Variants in IGF1R observed in about 807,000 individuals in gnomAD.
IGF1R encodes the protein insulin-like growth factor 1 receptor.
IGF1R carries 44 observed loss-of-function variants against 144.6 expected under a neutral mutation model. The ratio of observed to expected loss-of-function variants is 0.30; its 90% confidence interval spans 0.24 to 0.39. The LOEUF (loss-of-function observed/expected upper bound fraction) is 0.39. Ranked by LOEUF, IGF1R falls within the 10% of genes least tolerant of loss-of-function variation. The pLI is 1.00. For missense variants in IGF1R, 1,355 were observed against 1,833.7 expected (o/e 0.74, Z 4.77); for synonymous variants, 795 against 722.8 (o/e 1.10, Z -1.60).
chr15:98,759,089 T>C (rs1184842457), intron 2 of IGF1R, among the ~76,000 whole-genome samples: 2 of 152,194 alleles, frequency 1.3e-5, no homozygotes, highest in Non-Finnish European at 2.9e-5. Context: ...CATCACTCAG[T>C]ATAGCAAATC....
Position 98,962,507 on chromosome 15 carries a change from G to T in IGF1R, c.*5065G>T. 4.3e-6 allele frequency: 1 copy of T among 233,730 alleles called. No homozygotes were observed. The highest frequency in any genetic ancestry group is 8.5e-6 in the Non-Finnish European group (1 of 118,054). The allele number at this position is 233,730 out of a possible 1,614,324, so 14.5% of individuals were successfully genotyped here. ...AGGATGTTATTTAGACTGAACCTCT[G>T]TTGCCAGAGATGCTGAAGATACAGA... On this transcript the variant is annotated 3_prime_UTR_variant, in exon 21 of 21. Transcript: ENST00000650285.
rs199999237 is a variant in IGF1R, at chr15:98,904,368, G to T, written c.1248-4317G>T. On this transcript the variant is annotated intron_variant, in intron 5 of 20. Coordinates refer to ENST00000650285, the MANE Select transcript of IGF1R (RefSeq NM_000875.5). The stretch of plus-strand genomic sequence containing the variant: ...TGCCTGGCCTGATGGGTGAATATTT[G>T]ATAGGCAGGTTATACTTCAGAAGTA... Among the ~76,000 whole-genome samples, 3 of 151,982 alleles carry T rather than the reference G, an allele frequency of 2.0e-5. No individual in the cohort carries two copies. The East Asian group carries it at 5.8e-4, about 29-fold the overall frequency.
Position 98,917,323 on chromosome 15 carries a change from G to T in IGF1R, c.2201+447G>T, listed in dbSNP as rs1230616960. On this transcript the variant is annotated intron_variant, in intron 10 of 20. Transcript: ENST00000650285. ...GCAAGAGGGAAAAAAGTCAGAGTCT[G>T]TGCTGGAAAGGGCCTGACTTCAAAA... Among the ~76,000 whole-genome samples, 3 of 152,222 alleles carry T rather than the reference G, an allele frequency of 2.0e-5. No individual in the cohort carries two copies. The South Asian group carries it at 6.2e-4, about 32-fold the overall frequency.
At chr15:98,915,401 G>A (rs983484144) in intron 8 of IGF1R, among the ~76,000 whole-genome samples, 1 of 152,182 alleles carries the variant, frequency 6.6e-6, no homozygotes, top group Non-Finnish European at 1.5e-5. Flanking sequence ...GTGGACTTCC[G>A]TGTTCTTTGC....
intron 2 of IGF1R, among the ~76,000 whole-genome samples, chr15:98,865,712 C>G (rs965197632): frequency 1.3e-5 from 2 of 152,212 alleles, no homozygotes; most frequent in African/African-American, 4.8e-5. Flanking sequence ...CTCAATTTCC[C>G]TAGCAGAACG....
chr15:98,948,847 G>A, intron 20 of IGF1R, 139 bp downstream of exon 20: 1 of 1,034,692 alleles, frequency 9.7e-7, no homozygotes, highest in Non-Finnish European at 1.5e-6. Context: ...TAAGAGGTTT[G>A]TCCTTGTGGA....
At chr15:98,847,997 A>G (rs1359728118) in intron 2 of IGF1R, among the ~76,000 whole-genome samples, 1 of 152,114 alleles carries the variant, frequency 6.6e-6, no homozygotes, top group East Asian at 1.9e-4. Context: ...TGCTGGGCTC[A>G]GTTACTGGCC....
Position 98,741,239 on chromosome 15 carries a change from T to G in IGF1R, c.640+33132T>G, listed in dbSNP as rs1264194062. On this transcript the variant is annotated intron_variant, in intron 2 of 20. Transcript: ENST00000650285. ...GCTTTATATAGTTTTCCTGAGCTTT[T>G]TTTTTTTTTTTTTTTTTTTTTTGGT... Among the ~76,000 whole-genome samples, 10 of 144,152 alleles carry G rather than the reference T, an allele frequency of 6.9e-5. 1 individual carries two copies. The highest frequency in any genetic ancestry group is 3.5e-3 in the Middle Eastern group (1 of 284). 94.6% of individuals were successfully genotyped at this position (144,152 alleles called of 152,430 possible). A position where few individuals can be genotyped will look rare whatever the true frequency, so the allele number is the denominator to read the frequency against.
At chr15:98,822,688 T>C (rs970341303) in intron 2 of IGF1R, among the ~76,000 whole-genome samples, 1 of 152,180 alleles carries the variant, frequency 6.6e-6, no homozygotes, top group Non-Finnish European at 1.5e-5. Context: ...CTCTCCAAAT[T>C]TTGTGAGTTC....
chr15:98,809,490 C>T (rs1034240932), intron 2 of IGF1R, among the ~76,000 whole-genome samples: 6 of 152,168 alleles, frequency 3.9e-5, no homozygotes, highest in Non-Finnish European at 8.8e-5. Context: ...GGGAACATTG[C>T]CTGGTCTACC....
At chr15:98,768,476 G>A (rs1248830208) in intron 2 of IGF1R, among the ~76,000 whole-genome samples, 9 of 151,192 alleles carry the variant, frequency 6.0e-5, no homozygotes, top group African/African-American at 1.7e-4. Context: ...CTAGCTGGGC[G>A]TGGTGGTGCG....
intron 5 of IGF1R, among the ~76,000 whole-genome samples, chr15:98,901,469 C>T (rs1431117428): frequency 6.6e-6 from 1 of 152,214 alleles, no homozygotes; most frequent in Non-Finnish European, 1.5e-5. Flanking sequence ...GATGAGCTCC[C>T]CAAGAGCTCT....
chr15:98,845,216 C>A (rs1056313335), intron 2 of IGF1R, among the ~76,000 whole-genome samples: 1 of 152,166 alleles, frequency 6.6e-6, no homozygotes, highest in African/African-American at 2.4e-5. Context: ...TGTAGACACT[C>A]TGACTTTCCT....
intron 2 of IGF1R, among the ~76,000 whole-genome samples, chr15:98,817,558 C>T (rs2141471194): frequency 6.6e-6 from 1 of 152,110 alleles, no homozygotes; most frequent in East Asian, 1.9e-4. Flanking sequence ...TTGGAAGGTC[C>T]AGCCATGGGA....
intron 1 of IGF1R, among the ~76,000 whole-genome samples, chr15:98,681,812 T>G (rs531635064): frequency 1.4e-4 from 22 of 152,320 alleles, no homozygotes; most frequent in African/African-American, 4.6e-4. Context: ...ATACTTGAAT[T>G]TAGGGTCTGT....
intron 2 of IGF1R, among the ~76,000 whole-genome samples, chr15:98,868,327 C>CAAAAAAAAAAAA (rs55905905): frequency 4.0e-5 from 2 of 49,864 alleles, no homozygotes; most frequent in Admixed American, 3.8e-4. Flanking sequence ...ACCTTGTCTC[C>CAAAAAAAAAAAA]AAAAAAAAAA....
intron 2 of IGF1R, among the ~76,000 whole-genome samples, chr15:98,726,386 C>T (rs550434246): frequency 9.9e-5 from 15 of 152,248 alleles, no homozygotes; most frequent in Admixed American, 9.2e-4. Flanking sequence ...AGGCTAGGCA[C>T]CATGTTGGAT....
intron 2 of IGF1R, among the ~76,000 whole-genome samples, chr15:98,881,667 A>G (rs2013388029): frequency 2.6e-5 from 4 of 151,996 alleles, no homozygotes; most frequent in Admixed American, 2.6e-4. Flanking sequence ...ACCACATACC[A>G]CCATAAACAC....
At chr15:98,807,101 C>T (rs1244868179) in intron 2 of IGF1R, among the ~76,000 whole-genome samples, 2 of 152,240 alleles carry the variant, frequency 1.3e-5, no homozygotes, top group Non-Finnish European at 2.9e-5. Context: ...CATTCTTCAG[C>T]TCACGCCCTG....
Sources: gnomAD v4.1 joint callset for allele counts (sites outside exome capture counted in the v4.1 genomes callset) on GRCh38, gnomAD v4.1.1 for gene constraint, MANE v1.5 for transcripts, NCBI Gene and HGNC (gene_info 2026-07-23, HGNC 2026-07-21) for gene names.